KDM2A: variants seen among roughly 807,000 people sequenced by gnomAD.
The protein encoded by KDM2A is lysine demethylase 2A, also known as lysine-specific demethylase 2A.
Under a neutral mutation model 137.3 loss-of-function variants are expected in KDM2A, and 3 were observed. The ratio of observed to expected loss-of-function variants is 0.02; its 90% CI spans 0.01 to 0.06. The LOEUF (loss-of-function observed/expected upper bound fraction) is 0.06, where lower values mean the gene tolerates loss of function less well. Among genes scored for constraint, KDM2A ranks in the 10% least tolerant of loss-of-function variants. The pLI is 1.00. For missense variants in KDM2A, 738 were observed against 1,510.6 expected, an observed-to-expected ratio of 0.49 and a Z score of 8.48; for synonymous variants, 512 against 541.5, an observed-to-expected ratio of 0.95 and a Z score of 0.76.
At chr11:67,248,169 C>G in intron 15 of KDM2A, 112 bp from the exon 16 acceptor site, 1 of 773,116 alleles carries the variant, frequency 1.3e-6, no homozygotes, top group Non-Finnish European at 2.2e-6. Flanking sequence ...CAGTTTTTCT[C>G]CCTTTATGGA....
intron 5 of KDM2A, among the ~76,000 whole-genome samples, chr11:67,185,464 A>T (rs1857181043): frequency 6.6e-6 from 1 of 151,934 alleles, no homozygotes; most frequent in African/African-American, 2.4e-5. Flanking sequence ...CCCTGTCTCT[A>T]CTGAAAATAC....
At chr11:67,168,188 T>C (rs1325123854) in intron 2 of KDM2A, among the ~76,000 whole-genome samples, 1 of 152,092 alleles carries the variant, frequency 6.6e-6, no homozygotes, top group Non-Finnish European at 1.5e-5. Flanking sequence ...CCCCCTAAAA[T>C]TTGAAGAGAT....
chr11:67,219,180 G>T lies in KDM2A; in HGVS notation c.842-108G>T, dbSNP rs138410224. 2,211 of 461,196 alleles carry T rather than the reference G, an allele frequency of 4.8e-3. 115 individuals are homozygous for T. The East Asian group carries it at 0.073, about 15-fold the overall frequency. 28.6% of individuals were successfully genotyped at this position (461,196 alleles called of 1,614,324 possible). On this transcript the variant is annotated intron_variant, in intron 9 of 20. Coordinates refer to ENST00000529006, the MANE Select transcript of KDM2A (RefSeq NM_012308.3). ...AAGTAACTTGACAAACCACTAAGAA[G>T]CAGAATCAGAGTGAAGAGTGTGATC...
intron 5 of KDM2A, among the ~76,000 whole-genome samples, chr11:67,201,834 A>T (rs1281683455): frequency 1.4e-5 from 2 of 147,144 alleles, no homozygotes; most frequent in Admixed American, 1.4e-4. Flanking sequence ...GTACACCTGT[A>T]GTCCCAACTA....
rs749525957 is a variant in KDM2A at position 67,252,815 on chromosome 11, A to G, written c.2890A>G (p.Ile964Val). ...CAGCCTTGACCTCAGTTGGACCAAC[A>G]TCTCTAAAAAGCAACTGACATGGCT... Reference protein sequence around the residue: ...PVSLDLSWTNISKKQLTWLVN... With the variant: ...PVSLDLSWTNVSKKQLTWLVN... Residue 964 changes from isoleucine (I) to valine (V), a missense_variant, in exon 18 of 21, where the codon ATC (isoleucine) becomes GTC (valine). Physicochemically the swap from Ile to Val is conservative, Grantham distance 29. Transcript: ENST00000529006. 8 of 1,613,446 alleles carry G rather than the reference A, an allele frequency of 5.0e-6. No homozygotes were observed. Among genetic ancestry groups the G allele is most frequent in the South Asian group, 4.4e-5 (4 of 91,064 alleles).
intron 2 of KDM2A, among the ~76,000 whole-genome samples, chr11:67,155,144 A>G (rs1384382076): frequency 3.3e-5 from 5 of 151,982 alleles, no homozygotes; most frequent in African/African-American, 1.2e-4. Context: ...CCTCCTGAGT[A>G]GCTGGGGTTG....
rs11227753 is a variant in KDM2A, at chr11:67,255,019, C to T, written c.3453C>T (p.Cys1151=). The part of the protein sequence containing the change: ...ISDLSINSLY[C]LSDEKLIQKI... ...ACTTGTCCATCAACAGCCTCTACTG[C>T]CTGTCTGACGAGAAGCTGATACAGA... The change falls in exon 21 of 21, where the codon TGC becomes TGT. Residue 1151 remains cysteine (C), a synonymous_variant. Transcript: ENST00000529006. The T allele has an allele frequency of 3.1e-3, 4,990 of 1,613,036 alleles. 130 individuals are homozygous for T. The African/African-American group carries it at 0.058, about 19-fold the overall frequency.
intron 5 of KDM2A, among the ~76,000 whole-genome samples, chr11:67,206,283 TAGGC>T: frequency 6.6e-6 from 1 of 152,196 alleles, no homozygotes; most frequent in African/African-American, 2.4e-5. Flanking sequence ...ATACAAAAAT[TAGGC>T]AGGCGTGGTG....
At chr11:67,211,297 TGTAA>T (rs1221176872) in intron 6 of KDM2A, among the ~76,000 whole-genome samples, 1 of 152,060 alleles carries the variant, frequency 6.6e-6, no homozygotes, top group Non-Finnish European at 1.5e-5. Context: ...TATTTATTCA[TGTAA>T]GTAACCACCA....
chr11:67,189,730 C>T (rs997824425), intron 5 of KDM2A, among the ~76,000 whole-genome samples: 1 of 152,166 alleles, frequency 6.6e-6, no homozygotes, highest in Non-Finnish European at 1.5e-5. Context: ...GTCCCAGCTA[C>T]TCGGGAGGCT....
At chr11:67,246,155 A>C in intron 15 of KDM2A, 39 bp downstream of exon 15, 1 of 1,610,762 alleles carries the variant, frequency 6.2e-7, no homozygotes, top group Non-Finnish European at 8.5e-7. Context: ...GTCTCAGCTA[A>C]TGGAGTGAGT....
chr11:67,176,571 T>C (rs1043280829), intron 2 of KDM2A, among the ~76,000 whole-genome samples: 5 of 152,210 alleles, frequency 3.3e-5, no homozygotes, highest in East Asian at 1.9e-4. Flanking sequence ...GAGAAGTGTA[T>C]AGGCAATTTC....
intron 2 of KDM2A, among the ~76,000 whole-genome samples, chr11:67,168,773 A>G (rs1478511325): frequency 2.0e-5 from 3 of 152,162 alleles, no homozygotes; most frequent in Non-Finnish European, 4.4e-5. Flanking sequence ...TGAAAGCAAC[A>G]GCGTTTTAAA....
chr11:67,162,265 CA>C (rs1449471551), intron 2 of KDM2A, among the ~76,000 whole-genome samples: 1 of 152,170 alleles, frequency 6.6e-6, no homozygotes, highest in African/African-American at 2.4e-5. Context: ...ACAAGAAAAT[CA>C]TAGCAATAAG....
At chr11:67,228,342 A>G (rs1858607351) in intron 11 of KDM2A, among the ~76,000 whole-genome samples, 179 bp downstream of exon 11, 1 of 152,204 alleles carries the variant, frequency 6.6e-6, no homozygotes, top group Non-Finnish European at 1.5e-5. Context: ...GTTAATGGCC[A>G]AATGAAATAC....
chr11:67,163,093 C>T (rs1856669333), intron 2 of KDM2A, among the ~76,000 whole-genome samples: 1 of 152,190 alleles, frequency 6.6e-6, no homozygotes. Context: ...TTGTTTTCAG[C>T]CTTCTGCCCT....
chr11:67,211,885 C>CTAAG (rs1273017138), intron 6 of KDM2A, among the ~76,000 whole-genome samples: 1 of 152,076 alleles, frequency 6.6e-6, no homozygotes, highest in Non-Finnish European at 1.5e-5. Context: ...CTACCACATG[C>CTAAG]TAAGCACTGT....
At chr11:67,228,265 A>G in intron 11 of KDM2A, 102 bp downstream of exon 11, 1 of 1,296,494 alleles carries the variant, frequency 7.7e-7, no homozygotes, top group African/African-American at 1.5e-5. Flanking sequence ...TTGGTTTTTT[A>G]ATTCATCTAC....
intron 5 of KDM2A, among the ~76,000 whole-genome samples, chr11:67,205,182 T>A (rs931945209): frequency 8.5e-5 from 13 of 152,224 alleles, no homozygotes; most frequent in African/African-American, 3.1e-4. Flanking sequence ...TTCCATTTTT[T>A]AAATTATAGC....
Sources: allele counts gnomAD v4.1 joint callset (sites outside exome capture counted in the v4.1 genomes callset), GRCh38; gene constraint gnomAD v4.1.1; transcripts MANE v1.5; gene names NCBI Gene and HGNC (gene_info 2026-07-23, HGNC 2026-07-21).